TRPM7: variants seen among roughly 807,000 people sequenced by gnomAD.
TRPM7 encodes LTRPC ion channel family member 7.
In TRPM7, 134 loss-of-function variants were observed where a neutral mutation model predicts 229.7. That is an observed-to-expected ratio of 0.58 (90% CI 0.51 to 0.67). TRPM7 has a LOEUF of 0.67. Among genes scored for constraint, TRPM7 ranks in the 30% least tolerant of loss-of-function variants. The pLI is 0.00. For synonymous variants in TRPM7, 699 were observed against 715.2 expected (o/e 0.98, Z 0.36); for missense variants, 1,901 against 2,210.0 (o/e 0.86, Z 2.80).
chr15:50,618,111 G>GTTACA (rs746267912), intron 13 of TRPM7, among the ~76,000 whole-genome samples: 4 of 151,976 alleles, frequency 2.6e-5, no homozygotes, highest in Admixed American at 6.6e-5. Flanking sequence ...AAACTGTATT[G>GTTACA]AATACCAATA....
At chr15:50,646,040 C>A (rs1195745050) in intron 4 of TRPM7, among the ~76,000 whole-genome samples, 2 of 151,444 alleles carry the variant, frequency 1.3e-5, no homozygotes, top group Non-Finnish European at 2.9e-5. Flanking sequence ...TCGCTTGAAC[C>A]CAGGAGGCAG....
At chr15:50,632,627 T>G (rs994355435) in intron 9 of TRPM7, among the ~76,000 whole-genome samples, 2 of 152,300 alleles carry the variant, frequency 1.3e-5, no homozygotes, top group Middle Eastern at 3.4e-3. Context: ...TTACTTTTCC[T>G]AAAACTTTTC....
intron 1 of TRPM7, among the ~76,000 whole-genome samples, chr15:50,668,429 A>C (rs764031098): frequency 1.3e-5 from 2 of 152,194 alleles, no homozygotes; most frequent in African/African-American, 4.8e-5. Flanking sequence ...AATTTGGAGC[A>C]TATTTGTTTC....
intron 4 of TRPM7, among the ~76,000 whole-genome samples, chr15:50,646,330 A>G (rs1038482477): frequency 6.6e-6 from 1 of 152,052 alleles, no homozygotes; most frequent in Admixed American, 6.6e-5. Flanking sequence ...TGCCCAGGCT[A>G]GACTTTGGTG....
At chr15:50,604,769 C>G in intron 21 of TRPM7, 97 bp downstream of exon 21, 1 of 1,215,800 alleles carries the variant, frequency 8.2e-7, no homozygotes, top group Non-Finnish European at 1.1e-6. Flanking sequence ...AAATAAAAGA[C>G]ATTCACTGGC....
chr15:50,662,565 T>A (rs2061754340), intron 2 of TRPM7, among the ~76,000 whole-genome samples: 2 of 152,200 alleles, frequency 1.3e-5, no homozygotes, highest in South Asian at 4.1e-4. Context: ...TAGGTTCATA[T>A]TGCTTTCTTC....
intron 38 of TRPM7, among the ~76,000 whole-genome samples, chr15:50,562,178 G>C (rs747628944): frequency 5.3e-5 from 8 of 152,136 alleles, no homozygotes; most frequent in Non-Finnish European, 1.0e-4. Flanking sequence ...TTATAGGTGT[G>C]AGCCACCATG....
intron 12 of TRPM7, among the ~76,000 whole-genome samples, chr15:50,620,074 T>G (rs1203926184): frequency 6.6e-6 from 1 of 152,226 alleles, no homozygotes; most frequent in Admixed American, 6.5e-5. Context: ...TACATTTCTT[T>G]CATTGATAAT....
rs749799904 is a variant in TRPM7, at chr15:50,607,310, G to T, written c.2599C>A (p.Leu867Met). 2.5e-6 allele frequency: 4 copies of T among 1,583,264 alleles called. No homozygotes were observed. The South Asian group carries it at 4.8e-5, about 19-fold the overall frequency. ...AGAACCACAAATGTATAAAGCATCA[G>T]AAATCCTAAATATGCCAACTAATGA... ...WFNTLAYLGF[L>M]MLYTFVVLVQ... Residue 867 changes from leucine (L) to methionine (M), a missense_variant, in exon 20 of 39, where the codon CTG becomes ATG. Around this residue, in one of 8 missense-constraint regions of TRPM7, gnomAD observed 207 missense variants for 241.5 expected, o/e 0.86. Coordinates refer to ENST00000646667, the MANE Select transcript of TRPM7 (RefSeq NM_017672.6).
chr15:50,684,296 C>T (rs959677821), intron 1 of TRPM7, among the ~76,000 whole-genome samples: 2 of 151,934 alleles, frequency 1.3e-5, no homozygotes, highest in South Asian at 4.1e-4. Flanking sequence ...AGGATTACCA[C>T]GCCCGATTAC....
Position 50,623,910 on chromosome 15 carries a change from G to C in TRPM7, c.1440+256C>G, listed in dbSNP as rs149089349. ...TGATCCTCTAGTTTTGATAAGGGGA[G>C]GGAAAGGGAAATACACAGGAAAGAG... On this transcript the variant is annotated intron_variant, in intron 12 of 38. Transcript: ENST00000646667. Among the ~76,000 whole-genome samples the C allele has an allele frequency of 2.4e-3, 365 of 152,258 alleles. 1 individual carries two copies. Among genetic ancestry groups the C allele is most frequent in the African/African-American group, 8.4e-3 (351 of 41,546 alleles).
intron 22 of TRPM7, among the ~76,000 whole-genome samples, chr15:50,597,538 C>G (rs1282482653): frequency 6.6e-6 from 1 of 152,092 alleles, no homozygotes; most frequent in African/African-American, 2.4e-5. Flanking sequence ...AGCAAATACC[C>G]AAGAAAGAGA....
intron 38 of TRPM7, among the ~76,000 whole-genome samples, chr15:50,568,992 C>CAAAT (rs1174643926): frequency 6.6e-6 from 1 of 151,986 alleles, no homozygotes; most frequent in Non-Finnish European, 1.5e-5. Context: ...CAAAAACAAA[C>CAAAT]AAATAAACAA....
chr15:50,617,940 T>C (rs916545820), intron 13 of TRPM7, among the ~76,000 whole-genome samples: 5 of 152,206 alleles, frequency 3.3e-5, no homozygotes, highest in Admixed American at 1.3e-4. Flanking sequence ...ATTACGGGTA[T>C]GAGCCACCAG....
At chr15:50,679,538 A>ATATATT (rs1400383980) in intron 1 of TRPM7, among the ~76,000 whole-genome samples, 11 of 43,902 alleles carry the variant, frequency 2.5e-4, no homozygotes, top group African/African-American at 1.2e-3. Context: ...ATATATATAT[A>ATATATT]TTTTTTTTTT....
intron 14 of TRPM7, 131 bp downstream of exon 14, chr15:50,613,992 T>G: frequency 1.5e-6 from 2 of 1,326,512 alleles, no homozygotes; most frequent in Non-Finnish European, 2.1e-6. Context: ...ATATTTCTAA[T>G]TGCTCTTAGT....
intron 21 of TRPM7, among the ~76,000 whole-genome samples, chr15:50,603,603 G>T (rs2059839454): frequency 6.6e-6 from 1 of 152,034 alleles, no homozygotes; most frequent in Admixed American, 6.6e-5. Flanking sequence ...CAGAATGATG[G>T]TTTCCAGCTT....
At chr15:50,600,748 G>A (rs11634859) in intron 21 of TRPM7, among the ~76,000 whole-genome samples, 12,204 of 152,202 alleles carry the variant, frequency 0.08, 807 homozygotes, top group African/African-American at 0.18. Flanking sequence ...ATTTTATAGG[G>A]GCTTAAGATT....
At chr15:50,566,881 T>G (rs2053622011) in intron 38 of TRPM7, among the ~76,000 whole-genome samples, 1 of 152,126 alleles carries the variant, frequency 6.6e-6, no homozygotes. Flanking sequence ...TCTTTGAAGG[T>G]ATCAATAAAA....
Sources: gnomAD v4.1 joint callset for allele counts (sites outside exome capture counted in the v4.1 genomes callset) on GRCh38, gnomAD v4.1.1 for gene constraint, gnomAD v4.1.1 regional missense constraint, MANE v1.5 for transcripts, NCBI Gene and HGNC (gene_info 2026-07-23, HGNC 2026-07-21) for gene names.